TMEFF2: variants seen among roughly 807,000 people sequenced by gnomAD.
The protein encoded by TMEFF2 is tomoregulin-2.
Under a neutral mutation model 53.8 loss-of-function variants are expected in TMEFF2, and 28 were observed. That is an observed-to-expected ratio of 0.52 (90% CI 0.39 to 0.71). The LOEUF (loss-of-function observed/expected upper bound fraction) is 0.71, where lower values mean the gene tolerates loss of function less well. TMEFF2 is among the 30% of genes least tolerant of loss of function. The pLI is 0.00. For synonymous variants in TMEFF2, 162 were observed against 166.3 expected (o/e 0.97, Z 0.20); for missense variants, 353 against 455.2 (o/e 0.78, Z 2.04).
chr2:192,081,713 G>A (rs75355637), intron 4 of TMEFF2, among the ~76,000 whole-genome samples: 236 of 151,428 alleles, frequency 1.6e-3, no homozygotes, highest in African/African-American at 5.4e-3. Context: ...AGGAATGGAG[G>A]AAATTGTCTT....
intron 4 of TMEFF2, among the ~76,000 whole-genome samples, chr2:192,130,086 TTAC>T (rs1355026480): frequency 3.3e-5 from 5 of 152,218 alleles, no homozygotes; most frequent in African/African-American, 9.6e-5. Context: ...CATTTAATTA[TTAC>T]TTTTTGTTCT....
chr2:192,112,227 C>T (rs116014165), intron 4 of TMEFF2, among the ~76,000 whole-genome samples: 18 of 152,234 alleles, frequency 1.2e-4, no homozygotes, highest in African/African-American at 4.1e-4. Flanking sequence ...AACACTAGGC[C>T]GTGAAAGCAG....
chr2:192,181,594 T>G (rs1271882415), intron 3 of TMEFF2, among the ~76,000 whole-genome samples: 2 of 151,752 alleles, frequency 1.3e-5, no homozygotes, highest in African/African-American at 4.8e-5. Context: ...ATTTTGAGGC[T>G]TACTGCACAG....
intron 4 of TMEFF2, among the ~76,000 whole-genome samples, chr2:192,093,919 T>A (rs1688847634): frequency 1.3e-5 from 2 of 151,976 alleles, no homozygotes; most frequent in Admixed American, 1.3e-4. Context: ...GAAACTTGCG[T>A]TTTCATCTAA....
chr2:192,163,622 TAAC>T (rs779909328), intron 4 of TMEFF2, among the ~76,000 whole-genome samples: 1 of 152,234 alleles, frequency 6.6e-6, no homozygotes, highest in African/African-American at 2.4e-5. Flanking sequence ...AGCCACTAGT[TAAC>T]AACCCCAAAA....
At chr2:192,148,909 T>A (rs114630613) in intron 4 of TMEFF2, among the ~76,000 whole-genome samples, 34 of 152,154 alleles carry the variant, frequency 2.2e-4, no homozygotes, top group African/African-American at 5.8e-4. Context: ...GAATTTTTTT[T>A]AAATTTTTAA....
At chr2:191,989,790 C>T (rs934689062) in intron 7 of TMEFF2, among the ~76,000 whole-genome samples, 1 of 152,104 alleles carries the variant, frequency 6.6e-6, no homozygotes, top group Non-Finnish European at 1.5e-5. Flanking sequence ...AAGCCCATTT[C>T]TCTGCCCCCC....
rs371271573 is a variant in TMEFF2, at chr2:192,191,860, G to A, written c.282+20C>T. Reference sequence around the variant, plus strand: ...CAGTCTCATTAATGAATTAGAAGATGCAAATATAAGACTTCTTACCTTGAA... The same window carrying A: ...CAGTCTCATTAATGAATTAGAAGATACAAATATAAGACTTCTTACCTTGAA... On this transcript the variant is annotated intron_variant, in intron 2 of 9. Coordinates refer to ENST00000272771, the MANE Select transcript of TMEFF2 (RefSeq NM_016192.4). 6.7e-7 allele frequency: 1 copy of A among 1,497,028 alleles called. No individual in the cohort carries two copies. The highest frequency in any genetic ancestry group is 9.3e-7 in the Non-Finnish European group (1 of 1,074,996). The allele number at this position is 1,497,028 out of a possible 1,614,324, so 92.7% of individuals were successfully genotyped here. A position where few individuals can be genotyped will look rare whatever the true frequency, so the allele number is the denominator to read the frequency against.
chr2:191,995,288 A>T (rs897610151), intron 7 of TMEFF2, among the ~76,000 whole-genome samples: 1 of 152,040 alleles, frequency 6.6e-6, no homozygotes, highest in African/African-American at 2.4e-5. Flanking sequence ...CTGTATTAAT[A>T]GCTCTTAAAG....
chr2:191,954,336 G>T (rs983647465), intron 8 of TMEFF2, among the ~76,000 whole-genome samples: 15 of 151,960 alleles, frequency 9.9e-5, no homozygotes, highest in Admixed American at 4.6e-4. Context: ...TCGGTTATCA[G>T]ATATGTGGTT....
At chr2:192,148,196 A>T (rs1188270520) in intron 4 of TMEFF2, among the ~76,000 whole-genome samples, 1 of 152,042 alleles carries the variant, frequency 6.6e-6, no homozygotes, top group Non-Finnish European at 1.5e-5. Flanking sequence ...GGTTCACTCA[A>T]AAAGAAAAAG....
intron 7 of TMEFF2, among the ~76,000 whole-genome samples, chr2:191,989,658 C>T (rs981953573): frequency 6.6e-6 from 1 of 152,004 alleles, no homozygotes; most frequent in Non-Finnish European, 1.5e-5. Flanking sequence ...CCATACCTGC[C>T]CTGATCATGA....
At chr2:191,969,704 G>C (rs959674461) in intron 7 of TMEFF2, among the ~76,000 whole-genome samples, 10 of 112,820 alleles carry the variant, frequency 8.9e-5, no homozygotes, top group African/African-American at 3.0e-4. Context: ...TATAAATCTG[G>C]AGTACTGCCA....
intron 4 of TMEFF2, among the ~76,000 whole-genome samples, chr2:192,143,454 ATTAT>A (rs1285941582): frequency 7.2e-5 from 11 of 152,244 alleles, no homozygotes; most frequent in South Asian, 2.1e-4. Flanking sequence ...ATATTTATAA[ATTAT>A]TTATTTATTT....
intron 4 of TMEFF2, among the ~76,000 whole-genome samples, chr2:192,165,625 T>C (rs1051906290): frequency 6.6e-6 from 1 of 152,044 alleles, no homozygotes; most frequent in African/African-American, 2.4e-5. Flanking sequence ...GAAAGCAGCA[T>C]ACCTAAAAGT....
At chr2:192,064,980 T>C (rs1206613228) in intron 4 of TMEFF2, among the ~76,000 whole-genome samples, 2 of 151,884 alleles carry the variant, frequency 1.3e-5, no homozygotes, top group African/African-American at 2.4e-5. Context: ...AGCTGACTAA[T>C]AAAATATGGA....
At chr2:192,135,296 T>C (rs1225430860) in intron 4 of TMEFF2, among the ~76,000 whole-genome samples, 1 of 152,168 alleles carries the variant, frequency 6.6e-6, no homozygotes, top group Non-Finnish European at 1.5e-5. Context: ...TAATCTTTGC[T>C]GGCAGGACTA....
At chr2:192,125,817 G>A (rs1447581694) in intron 4 of TMEFF2, among the ~76,000 whole-genome samples, 1 of 152,188 alleles carries the variant, frequency 6.6e-6, no homozygotes, top group Non-Finnish European at 1.5e-5. Context: ...AGTGGGAGCT[G>A]AATGATGAGA....
At chr2:191,953,462 T>C (rs762662744) in intron 9 of TMEFF2, among the ~76,000 whole-genome samples, 6 of 152,210 alleles carry the variant, frequency 3.9e-5, no homozygotes, top group Non-Finnish European at 7.3e-5. Flanking sequence ...ACAATCTTTA[T>C]CATCAGGCAA....
Sources: allele counts gnomAD v4.1 joint callset (sites outside exome capture counted in the v4.1 genomes callset), GRCh38; gene constraint gnomAD v4.1.1; transcripts MANE v1.5; gene names NCBI Gene and HGNC (gene_info 2026-07-23, HGNC 2026-07-21).